The following D2HGDH variants were observed in gnomAD, a reference collection of about 807,000 sequenced individuals.
The protein encoded by D2HGDH is D-2-hydroxyglutarate dehydrogenase, mitochondrial.
Under a neutral mutation model 46.9 loss-of-function variants are expected in D2HGDH, and 31 were observed. The ratio of observed to expected loss-of-function variants is 0.66; its 90% CI spans 0.50 to 0.89. The LOEUF is 0.89. Ranked by LOEUF, D2HGDH falls within the 40% of genes least tolerant of loss-of-function variation. The probability of loss-of-function intolerance (pLI) is 0.00; values close to 1 mark genes in which losing one functional copy is unlikely to be tolerated. For missense variants in D2HGDH, 698 were observed against 720.8 expected (o/e 0.97, Z 0.36); for synonymous variants, 364 against 332.6 (o/e 1.09, Z -1.03).
rs142940547 is a variant in D2HGDH, at chr2:241,743,740, C to A, written c.609C>A (p.Asn203Lys). 4 of 1,613,146 alleles carry A rather than the reference C, an allele frequency of 2.5e-6. No individual in the cohort carries two copies. Among genetic ancestry groups the A allele is most frequent in the African/African-American group, 2.7e-5 (2 of 74,906 alleles). ...GAKGSCHIGGNVATNAGGLRF... is the reference protein window; with the variant it reads ...GAKGSCHIGGKVATNAGGLRF... ...AGGGCAGCTGCCACATCGGGGGAAA[C>A]GTGGCAACCAACGCTGGAGGCCTGC... The change falls in exon 5 of 10, where the codon AAC becomes AAA. Residue 203 changes from asparagine (N) to lysine (K), a missense_variant. Asn to Lys is a moderately conservative substitution (Grantham distance 94). Transcript: ENST00000321264. The surrounding 1 kb of genome is among the most constrained non-coding windows in gnomAD (Gnocchi z 4.8).
At chr2:241,756,430 T>A (rs1021927917) in intron 9 of D2HGDH, among the ~76,000 whole-genome samples, 1 of 152,232 alleles carries the variant, frequency 6.6e-6, no homozygotes, top group African/African-American at 2.4e-5. Context: ...ATGGGAGGAT[T>A]TCAAAACCAC....
rs145386874 is a variant in D2HGDH at position 241,748,035 on chromosome 2, G to A, written c.854-2116G>A. On this transcript the variant is annotated intron_variant, in intron 6 of 9. Coordinates refer to ENST00000321264, the MANE Select transcript of D2HGDH (RefSeq NM_152783.5). ...GCTTGAGGCCAAACCTGCTAGCGGG[G>A]CAAGGGCTGTCGGCCAACAGCGTTG... Among the ~76,000 whole-genome samples the A allele has an allele frequency of 7.2e-3, 1,096 of 152,294 alleles. 11 individuals carry two copies. Among genetic ancestry groups the A allele is most frequent in the African/African-American group, 0.025 (1,038 of 41,562 alleles).
chr2:241,755,570 G>C, intron 8 of D2HGDH: 1 of 1,450,936 alleles, frequency 6.9e-7, no homozygotes, highest in Non-Finnish European at 9.2e-7. Context: ...CGGTGCTGTC[G>C]TGGAGCCTGG....
chr2:241,756,085 C>T, intron 9 of D2HGDH, 71 bp downstream of exon 9: 2 of 1,513,844 alleles, frequency 1.3e-6, no homozygotes, highest in Non-Finnish European at 8.8e-7. Context: ...GTCACCCTGC[C>T]AGGCTTCGAG....
chr2:241,744,970 G>T, intron 6 of D2HGDH, 93 bp downstream of exon 6: 1 of 1,482,500 alleles, frequency 6.7e-7, no homozygotes, highest in South Asian at 1.2e-5. Context: ...GGGGATGGAG[G>T]GACCCCCCGC....
chr2:241,757,063 TGAC>T (rs1230859852), intron 9 of D2HGDH, among the ~76,000 whole-genome samples: 1 of 152,220 alleles, frequency 6.6e-6, no homozygotes, highest in Non-Finnish European at 1.5e-5. Flanking sequence ...GTTGTGTACG[TGAC>T]GACAATAACA....
At position 241,756,017 on chromosome 2, in the gene D2HGDH, G is replaced by A. The variant is rs1179443530; in HGVS notation, c.1306+3G>A. 1.3e-6 allele frequency: 2 copies of A among 1,594,916 alleles called. No individual in the cohort carries two copies. Among genetic ancestry groups the A allele is most frequent in the East Asian group, 2.3e-5 (1 of 44,376 alleles). The stretch of plus-strand genomic sequence containing the variant: ...CGTGGTGGGCTATGGCCACCTTGGT[G>A]AGCGGCGCCCCGGGGCCGCGGCCCT... On this transcript the variant is annotated splice_donor_region_variant and intron_variant, in intron 9 of 9. Transcript: ENST00000321264.
At position 241,735,290 on chromosome 2, in the gene D2HGDH, T is replaced by G. The variant is rs532823700; in HGVS notation, c.66T>G (p.Gly22=). The G allele has an allele frequency of 6.6e-7, 1 of 1,525,242 alleles. No individual in the cohort carries two copies. Among genetic ancestry groups the G allele is most frequent in the Non-Finnish European group, 8.7e-7 (1 of 1,143,138 alleles). The allele number at this position is 1,525,242 out of a possible 1,614,324, so 94.5% of individuals were successfully genotyped here. A position where few individuals can be genotyped will look rare whatever the true frequency, so the allele number is the denominator to read the frequency against. ...TGCGGGGTGCTCCGGGAGCCGCGGG[T>G]TCTTGGGGTCGGCCGGTTGGCCCCC... ...WLLRGAPGAA[G]SWGRPVGPLA... Residue 22 remains glycine (G), a synonymous_variant, in exon 2 of 10, where the codon GGT becomes GGG. Transcript: ENST00000321264.
At position 241,742,341 on chromosome 2, in the gene D2HGDH, T is replaced by G; in HGVS notation, c.351-94T>G. On this transcript the variant is annotated intron_variant, in intron 3 of 9. Coordinates refer to ENST00000321264, the MANE Select transcript of D2HGDH (RefSeq NM_152783.5). The surrounding 1 kb of genome is among the most constrained non-coding windows in gnomAD (Gnocchi z 4.8). ...TGCAGGCAGGGCAGGGTAATCAGGA[T>G]TTGGAGTCAGGCACTGGTCCTGCGG... is the stretch of plus-strand genomic sequence containing the variant. The G allele has an allele frequency of 6.8e-7, 1 of 1,476,624 alleles. No homozygotes were observed. The highest frequency in any genetic ancestry group is 9.1e-7 in the Non-Finnish European group (1 of 1,095,236). 91.5% of individuals were successfully genotyped at this position (1,476,624 alleles called of 1,614,324 possible).
intron 6 of D2HGDH, chr2:241,748,713 T>C: frequency 1.4e-6 from 1 of 701,380 alleles, no homozygotes; most frequent in Non-Finnish European, 1.9e-6. Flanking sequence ...CTTCAGCCCC[T>C]GGTGGGGCTC....
chr2:241,751,206 C>T (rs200106797), intron 7 of D2HGDH, 40 bp from the exon 8 acceptor site: 54 of 1,613,522 alleles, frequency 3.3e-5, no homozygotes, highest in Middle Eastern at 3.3e-4. Flanking sequence ...CCCTGGCAGC[C>T]GGAGCCTCTG....
chr2:241,746,469 T>C (rs1695888744), intron 6 of D2HGDH, among the ~76,000 whole-genome samples: 1 of 152,256 alleles, frequency 6.6e-6, no homozygotes, highest in African/African-American at 2.4e-5. Context: ...GCTCACCATT[T>C]GTGTCTTTAA....
At chr2:241,767,592 G>A (rs562507583) in intron 9 of D2HGDH, 118 bp from the exon 10 acceptor site, 2 of 1,445,658 alleles carry the variant, frequency 1.4e-6, no homozygotes. Context: ...TGAGGGTGAG[G>A]CTCAGCCGGG....
rs1486403942 is a variant in D2HGDH at position 241,755,857 on chromosome 2, G to T, written c.1149G>T (p.Trp383Cys). ...CTCGTCTCATCCTCTAGATGCTGTGGGCCCTGAGGGAAAGGATCACAGAGG... is the reference window on the plus strand; with the variant it reads ...CTCGTCTCATCCTCTAGATGCTGTGTGCCCTGAGGGAAAGGATCACAGAGG... ...ATDQRKVKML[W>C]ALRERITEAL... The change falls in exon 9 of 10, where the codon TGG (tryptophan) becomes TGT (cysteine). Residue 383 changes from tryptophan (W) to cysteine (C), a missense_variant. By Grantham distance (215) the Trp-to-Cys change is radical. Transcript: ENST00000321264. 1.2e-6 allele frequency: 2 copies of T among 1,612,548 alleles called. No individual in the cohort carries two copies. The highest frequency in any genetic ancestry group is 1.7e-6 in the Non-Finnish European group (2 of 1,179,120).
At chr2:241,757,858 C>A (rs1156536578) in intron 9 of D2HGDH, among the ~76,000 whole-genome samples, 1 of 151,510 alleles carries the variant, frequency 6.6e-6, no homozygotes, top group African/African-American at 2.4e-5. Context: ...ACTCGGGAGG[C>A]TGAAGCAGGA....
At position 241,742,479 on chromosome 2, in the gene D2HGDH, A is replaced by G. The variant is rs755582948; in HGVS notation, c.395A>G (p.Asn132Ser). The G allele has an allele frequency of 6.2e-7, 1 of 1,613,950 alleles. No homozygotes were observed. The highest frequency in any genetic ancestry group is 8.5e-7 in the Non-Finnish European group (1 of 1,179,964). The change falls in exon 4 of 10, where the codon AAC becomes AGC. Residue 132 changes from asparagine (N) to serine (S), a missense_variant. Coordinates refer to ENST00000321264, the MANE Select transcript of D2HGDH (RefSeq NM_152783.5). This position sits in a 1 kb window ranked among gnomAD's most constrained non-coding sequence, Gnocchi z 4.8. ...CTGGCCGTGAACCCACAGGGGGGCA[A>G]CACAGGCATGGTGGGTGGCAGCGTC... Reference protein sequence around the residue: ...RNLAVNPQGGNTGMVGGSVPV... With the variant: ...RNLAVNPQGGSTGMVGGSVPV...
In D2HGDH at chr2:241,741,093, G is replaced by A. The variant is rs780629494; in HGVS notation, c.350+3G>A. 1.2e-6 allele frequency: 2 copies of A among 1,613,486 alleles called. No individual in the cohort carries two copies. Among genetic ancestry groups the A allele is most frequent in the Admixed American group, 1.7e-5 (1 of 59,958 alleles). ...GAGGAGGTGTCCCACATCCTCAGGT[G>A]AGGTGGTGGCTCCCGGCTCCCCCAG... On this transcript the variant is annotated splice_donor_region_variant and intron_variant, in intron 3 of 9. Transcript: ENST00000321264.
chr2:241,742,445 G>C lies in D2HGDH; in HGVS notation c.361G>C (p.Glu121Gln). The C allele has an allele frequency of 6.2e-7, 1 of 1,612,214 alleles. No homozygotes were observed. The highest frequency in any genetic ancestry group is 8.5e-7 in the Non-Finnish European group (1 of 1,179,240). ...CTGTCCTCATCCCAGGCACTGCCAC[G>C]AGAGGAACCTGGCCGTGAACCCACA... ...EVSHILRHCH[E>Q]RNLAVNPQGG... The change falls in exon 4 of 10, where the codon GAG (glutamate) becomes CAG (glutamine). Residue 121 changes from glutamate to glutamine, a missense_variant. Coordinates refer to ENST00000321264, the MANE Select transcript of D2HGDH (RefSeq NM_152783.5). The surrounding 1 kb of genome is among the most constrained non-coding windows in gnomAD (Gnocchi z 4.8).
chr2:241,750,367 A>C, intron 7 of D2HGDH, 73 bp downstream of exon 7: 3 of 1,061,674 alleles, frequency 2.8e-6, no homozygotes, highest in Non-Finnish European at 3.9e-6. Flanking sequence ...GGGACGGCTC[A>C]GAGACCCCGG....
Sources: allele counts gnomAD v4.1 joint callset (sites outside exome capture counted in the v4.1 genomes callset), GRCh38; gene constraint gnomAD v4.1.1; non-coding constraint Gnocchi (gnomAD v3.1); transcripts MANE v1.5; gene names NCBI Gene and HGNC (gene_info 2026-07-23, HGNC 2026-07-21).